The following TLE3 variants were observed in gnomAD, a reference collection of about 807,000 sequenced individuals.
TLE3 encodes the protein transducin-like enhancer protein 3.
Under a neutral mutation model 93.0 loss-of-function variants are expected in TLE3, and 14 were observed. That is an observed-to-expected ratio of 0.15 (90% CI 0.10 to 0.24). TLE3 has a LOEUF of 0.24. TLE3 is among the 10% of genes least tolerant of loss of function. The pLI, the probability that TLE3 is intolerant of heterozygous loss-of-function variation, is 1.00. For missense variants in TLE3, 693 were observed against 1,046.6 expected (o/e 0.66, Z 4.66); for synonymous variants, 451 against 425.0 (o/e 1.06, Z -0.75).
intron 4 of TLE3, among the ~76,000 whole-genome samples, chr15:70,083,409 G>T (rs76112397): frequency 5.3e-5 from 8 of 152,186 alleles, no homozygotes; most frequent in South Asian, 2.1e-4. Flanking sequence ...CCCTACTTGT[G>T]GGGGGAGATG....
chr15:70,051,309 G>A, intron 19 of TLE3, 82 bp downstream of exon 19: 1 of 1,375,556 alleles, frequency 7.3e-7, no homozygotes, highest in Non-Finnish European at 1.0e-6. Flanking sequence ...TGTTCTTCCT[G>A]CTGCTATCCT....
At chr15:70,074,993 G>A (rs895041810) in intron 5 of TLE3, among the ~76,000 whole-genome samples, 1 of 152,222 alleles carries the variant, frequency 6.6e-6, no homozygotes, top group Admixed American at 6.5e-5. Context: ...ATGAAGGATG[G>A]TATCCGTTTT....
At chr15:70,095,025 G>A (rs1413480660) in intron 3 of TLE3, among the ~76,000 whole-genome samples, 1 of 152,218 alleles carries the variant, frequency 6.6e-6, no homozygotes, top group Non-Finnish European at 1.5e-5. Context: ...TCTGCCTACT[G>A]CCCCAGCGTG....
At chr15:70,095,736 C>G in intron 2 of TLE3, 95 bp from the exon 3 acceptor site, 1 of 1,436,560 alleles carries the variant, frequency 7.0e-7, no homozygotes, top group Non-Finnish European at 9.3e-7. Flanking sequence ...TTTCCACTTT[C>G]CTGACACCCC....
intron 6 of TLE3, among the ~76,000 whole-genome samples, chr15:70,068,854 A>G (rs2056973524): frequency 1.3e-5 from 2 of 152,176 alleles, no homozygotes; most frequent in Admixed American, 1.3e-4. Context: ...TTCAGGTCAG[A>G]ATGGATTTCT....
In TLE3 at chr15:70,064,525, G is replaced by T; in HGVS notation, c.578-55C>A. The T allele has an allele frequency of 5.6e-6, 9 of 1,610,770 alleles. 1 individual carries two copies. In the South Asian group the frequency reaches 9.9e-5, roughly 18 times the overall value. On this transcript the variant is annotated intron_variant, in intron 7 of 19. Coordinates refer to ENST00000451782, the MANE Select transcript of TLE3 (RefSeq NM_001105192.3). ...AAGGTCAGGCACCCCAAAACAAAAA[G>T]ACAAAAAAGAAAGGAAAAAGGTCAG...
In TLE3 at chr15:70,057,677, A is replaced by C; in HGVS notation, c.1052-19T>G. 6.4e-7 allele frequency: 1 copy of C among 1,552,766 alleles called. No homozygotes were observed. The highest frequency in any genetic ancestry group is 8.7e-7 in the Non-Finnish European group (1 of 1,155,784). ...GCCGAGGCTGCGAGGGGTGGGCGTC[A>C]GGGAGGTGGGCCTTAGGTGGATTGG... On this transcript the variant is annotated intron_variant, in intron 12 of 19. Transcript: ENST00000451782.
chr15:70,060,759 A>G, intron 8 of TLE3, 110 bp from the exon 9 acceptor site: 3 of 1,540,968 alleles, frequency 1.9e-6, no homozygotes, highest in South Asian at 1.1e-5. Context: ...AGGGAAGAGA[A>G]GCTGAACTCC....
intron 18 of TLE3, 54 bp from the exon 19 acceptor site, chr15:70,051,521 C>G: frequency 6.7e-7 from 1 of 1,496,644 alleles, no homozygotes; most frequent in Non-Finnish European, 9.1e-7. Flanking sequence ...CCCTCTAAAG[C>G]AAGACCTGCC....
rs1207427096 is a variant in TLE3, at chr15:70,059,407, T to C, written c.765+3A>G. On this transcript the variant is annotated splice_donor_region_variant and intron_variant, in intron 10 of 19. Coordinates refer to ENST00000451782, the MANE Select transcript of TLE3 (RefSeq NM_001105192.3). ...GCCCCCTTGCGACCGGGCCTGCCCA[T>C]ACCTCATTGGAAACATCCACCACCA... The C allele has an allele frequency of 6.2e-7, 1 of 1,609,878 alleles. No individual in the cohort carries two copies. Among genetic ancestry groups the C allele is most frequent in the East Asian group, 2.2e-5 (1 of 44,776 alleles).
intron 8 of TLE3, 117 bp from the exon 9 acceptor site, chr15:70,060,766 C>T (rs1173339724): frequency 6.5e-7 from 1 of 1,527,082 alleles, no homozygotes; most frequent in Non-Finnish European, 8.8e-7. Flanking sequence ...AGAAGCTGAA[C>T]TCCTCTCTGC....
intron 4 of TLE3, among the ~76,000 whole-genome samples, chr15:70,091,453 G>C (rs1026399778): frequency 6.6e-6 from 1 of 152,206 alleles, no homozygotes; most frequent in African/African-American, 2.4e-5. Flanking sequence ...GTGATGAGCC[G>C]GTCAGTCATC....
rs1463477504 is a variant in TLE3, at chr15:70,097,564, G to A, written c.-766C>T. On this transcript the variant is annotated 5_prime_UTR_variant, in exon 1 of 20. Transcript: ENST00000451782. ...ATCCTAAGTCCAGCGGGCACGGGAA[G>A]CCTCCGCAAAGGGTTCTCGCTGCTC... 1.3e-5 allele frequency: 5 copies of A among 399,422 alleles called. No individual in the cohort carries two copies. The highest frequency in any genetic ancestry group is 2.2e-5 in the Non-Finnish European group (5 of 226,352). 24.7% of individuals were successfully genotyped at this position (399,422 alleles called of 1,614,324 possible).
intron 4 of TLE3, 97 bp downstream of exon 4, chr15:70,094,435 G>A: frequency 1.1e-6 from 1 of 947,430 alleles, no homozygotes; most frequent in South Asian, 1.6e-5. Flanking sequence ...AGGAATCGAA[G>A]AAGCAGGCTC....
Position 70,055,165 on chromosome 15 carries a change from C to A in TLE3, c.1462G>T (p.Ala488Ser). The change falls in exon 15 of 20, where the codon GCC (alanine) becomes TCC (serine). Residue 488 changes from alanine to serine, a missense_variant. Coordinates refer to ENST00000451782, the MANE Select transcript of TLE3 (RefSeq NM_001105192.3). The stretch of plus-strand genomic sequence containing the variant: ...CTCGTGGGGTTGCTGATGGTCACGG[C>A]ACACACCACCTCCCCGTGGCTGAGT... Reference protein sequence around the residue: ...NTLSHGEVVCAVTISNPTRHV... With the variant: ...NTLSHGEVVCSVTISNPTRHV... The A allele has an allele frequency of 6.2e-7, 1 of 1,614,188 alleles. No individual in the cohort carries two copies.
At position 70,048,912 on chromosome 15, in the gene TLE3, C is replaced by T. The variant is rs1236716365; in HGVS notation, c.*1185G>A. 1 of 152,116 alleles carries T rather than the reference C, an allele frequency of 6.6e-6. No homozygotes were observed. Among genetic ancestry groups the T allele is most frequent in the Non-Finnish European group, 1.5e-5 (1 of 68,028 alleles). 9.4% of individuals were successfully genotyped at this position (152,116 alleles called of 1,614,324 possible). A position where few individuals can be genotyped will look rare whatever the true frequency, so the allele number is the denominator to read the frequency against. ...ACCCTGTAGGTTTATACACTTTCCC[C>T]CCTCTAAGGGGAGAGGAAGAGACTG... On this transcript the variant is annotated 3_prime_UTR_variant, in exon 20 of 20. Coordinates refer to ENST00000451782, the MANE Select transcript of TLE3 (RefSeq NM_001105192.3).
rs371529252 is a variant in TLE3, at chr15:70,096,724, G to C, written c.24+51C>G. 1.4e-4 allele frequency: 229 copies of C among 1,606,844 alleles called. 1 individual carries two copies. Among genetic ancestry groups the C allele is most frequent in the Non-Finnish European group, 2.5e-6 (3 of 1,176,730 alleles). ...ATGGAGGTGCCAGATAAACTGCCTCGTTTACCCTGCCATGATAGATGCTTA... is the reference window on the plus strand; with the variant it reads ...ATGGAGGTGCCAGATAAACTGCCTCCTTTACCCTGCCATGATAGATGCTTA... On this transcript the variant is annotated intron_variant, in intron 1 of 19. Transcript: ENST00000451782.
At chr15:70,065,353 C>T (rs1275460485) in intron 7 of TLE3, among the ~76,000 whole-genome samples, 1 of 152,234 alleles carries the variant, frequency 6.6e-6, no homozygotes, top group African/African-American at 2.4e-5. Context: ...CTTCATGGGT[C>T]CTCATGGTAG....
chr15:70,069,103 T>C (rs1184033377), intron 6 of TLE3, among the ~76,000 whole-genome samples: 2 of 152,180 alleles, frequency 1.3e-5, no homozygotes, highest in African/African-American at 4.8e-5. Context: ...AACCTGTGAG[T>C]TCCAGAAACA....
Sources: gnomAD v4.1 joint callset for allele counts (sites outside exome capture counted in the v4.1 genomes callset) on GRCh38, gnomAD v4.1.1 for gene constraint, MANE v1.5 for transcripts, NCBI Gene and HGNC (gene_info 2026-07-23, HGNC 2026-07-21) for gene names.